HMGA2: variants seen among roughly 807,000 people sequenced by gnomAD.
HMGA2 encodes the protein high mobility group protein HMGI-C.
HMGA2 carries 8 observed loss-of-function variants against 19.1 expected under a neutral mutation model. The ratio of observed to expected loss-of-function variants is 0.42; its 90% CI spans 0.25 to 0.76. The LOEUF (loss-of-function observed/expected upper bound fraction) is 0.76, where lower values mean the gene tolerates loss of function less well. Among genes scored for constraint, HMGA2 ranks in the 30% least tolerant of loss-of-function variants. The probability of loss-of-function intolerance (pLI) is 0.28; values close to 1 mark genes in which losing one functional copy is unlikely to be tolerated. For missense variants in HMGA2, 109 were observed against 136.3 expected, an observed-to-expected ratio of 0.80 and a Z score of 1.00; for synonymous variants, 60 against 48.8, an observed-to-expected ratio of 1.23 and a Z score of -0.96.
chr12:65,956,109 A>G (rs1451287129), intron 4 of HMGA2: 3 of 152,198 alleles, frequency 2.0e-5, no homozygotes, highest in African/African-American at 7.2e-5. Flanking sequence ...CAGTGCAGTA[A>G]ATAGTTCATA....
At chr12:65,881,524 C>T in intron 3 of HMGA2, 2 of 579,350 alleles carry the variant, frequency 3.5e-6, no homozygotes, top group East Asian at 5.6e-5. Flanking sequence ...AAACAAAAAA[C>T]CACTCCAACA....
chr12:65,881,340 G>A (rs996052883), intron 3 of HMGA2: 1 of 196,890 alleles, frequency 5.1e-6, no homozygotes, highest in Non-Finnish European at 1.1e-5. Context: ...TCGGCTGTTT[G>A]TATCTCCAGA....
intron 3 of HMGA2, among the ~76,000 whole-genome samples, chr12:65,950,634 G>C (rs1319868433): frequency 6.6e-6 from 1 of 152,158 alleles, no homozygotes; most frequent in East Asian, 1.9e-4. Context: ...TTCTAAATTA[G>C]ACTGTGGTGA....
intron 3 of HMGA2, among the ~76,000 whole-genome samples, chr12:65,937,324 G>A (rs1050372968): frequency 3.9e-5 from 6 of 152,104 alleles, no homozygotes; most frequent in African/African-American, 1.4e-4. Context: ...CTCCCCTGCT[G>A]AACTGACAGG....
intron 3 of HMGA2, among the ~76,000 whole-genome samples, chr12:65,872,350 C>G (rs370505802): frequency 2.5e-4 from 38 of 152,148 alleles, no homozygotes; most frequent in African/African-American, 8.9e-4. Flanking sequence ...GTTCCTTGCA[C>G]CCGGGAGGCT....
chr12:65,842,377 C>G, intron 3 of HMGA2: 1 of 620,992 alleles, frequency 1.6e-6, no homozygotes, highest in South Asian at 1.9e-5. Flanking sequence ...TCACTGTACA[C>G]TTTCATTTTG....
At position 65,825,032 on chromosome 12, in the gene HMGA2, A is replaced by C. The variant is rs1870072248; in HGVS notation, c.-239A>C. 3 of 426,188 alleles carry C rather than the reference A, an allele frequency of 7.0e-6. No homozygotes were observed. Among genetic ancestry groups the C allele is most frequent in the Non-Finnish European group, 1.2e-5 (3 of 240,086 alleles). 26.4% of individuals were successfully genotyped at this position (426,188 alleles called of 1,614,324 possible). On this transcript the variant is annotated 5_prime_UTR_variant, in exon 1 of 5. Transcript: ENST00000403681. The surrounding 1 kb of genome is among the most constrained non-coding windows in gnomAD (Gnocchi z 4.4). ...ACCCACCGCCGCCGCCGCCACCGGC[A>C]GCGCCTCCTCCTCTCCTCCTCCTCC...
chr12:65,964,308 G>GC lies in HMGA2; in HGVS notation c.*1017dup. On this transcript the variant is annotated 3_prime_UTR_variant, in exon 5 of 5. Transcript: ENST00000403681. Reference sequence around the variant, plus strand: ...AAAAGCAAAAAAAAAAAAGGGGGGGGCAATCTCTCTCTGTGTCTTTCTCTC... The same window carrying GC: ...AAAAGCAAAAAAAAAAAAGGGGGGGGCCAATCTCTCTCTGTGTCTTTCTCTC... The GC allele has an allele frequency of 4.7e-6, 1 of 210,760 alleles. No individual in the cohort carries two copies. Among genetic ancestry groups the GC allele is most frequent in the Non-Finnish European group, 9.4e-6 (1 of 105,998 alleles). The allele number at this position is 210,760 out of a possible 1,614,324, so 13.1% of individuals were successfully genotyped here.
chr12:65,841,485 T>TC (rs1237453300), intron 3 of HMGA2, among the ~76,000 whole-genome samples: 1 of 152,228 alleles, frequency 6.6e-6, no homozygotes, highest in African/African-American at 2.4e-5. Context: ...TTGGGTAGAG[T>TC]ATGCAGCCAG....
At chr12:65,918,474 A>AG (rs1278459244) in intron 3 of HMGA2, among the ~76,000 whole-genome samples, 17 of 152,200 alleles carry the variant, frequency 1.1e-4, no homozygotes, top group African/African-American at 3.9e-4. Context: ...TTAATCTGTA[A>AG]GTTTTTTTAT....
chr12:65,934,803 C>T (rs1349275885), intron 3 of HMGA2: 1 of 152,172 alleles, frequency 6.6e-6, no homozygotes, highest in Non-Finnish European at 1.5e-5. Flanking sequence ...CCCTGAAGAC[C>T]CTGCATGAGT....
chr12:65,887,963 G>C (rs975949165), intron 3 of HMGA2, among the ~76,000 whole-genome samples: 10 of 151,084 alleles, frequency 6.6e-5, no homozygotes, highest in Non-Finnish European at 1.0e-4. Flanking sequence ...GCATTAATGT[G>C]TCTTTTAGAT....
intron 3 of HMGA2, among the ~76,000 whole-genome samples, chr12:65,902,290 A>T (rs1874405272): frequency 6.6e-6 from 1 of 152,186 alleles, no homozygotes. Flanking sequence ...ATAAACAAAC[A>T]ATATCGAACA....
intron 3 of HMGA2, among the ~76,000 whole-genome samples, chr12:65,898,427 T>C (rs1307516280): frequency 2.6e-5 from 4 of 152,174 alleles, no homozygotes; most frequent in Non-Finnish European, 4.4e-5. Flanking sequence ...CTTCCCAGCC[T>C]CAAGGAAATC....
At chr12:65,957,717 C>A (rs756568594) in intron 4 of HMGA2, 5 of 152,078 alleles carry the variant, frequency 3.3e-5, no homozygotes, top group Non-Finnish European at 7.4e-5. Context: ...AAAAAAATGG[C>A]CCTTTATCCC....
chr12:65,837,290 A>C (rs1362875121), intron 2 of HMGA2, among the ~76,000 whole-genome samples: 1 of 152,142 alleles, frequency 6.6e-6, no homozygotes, highest in African/African-American at 2.4e-5. Flanking sequence ...GTTGTGGCTT[A>C]TTTTATCTCT....
At chr12:65,912,845 T>C (rs1874903907) in intron 3 of HMGA2, among the ~76,000 whole-genome samples, 1 of 152,194 alleles carries the variant, frequency 6.6e-6, no homozygotes, top group Non-Finnish European at 1.5e-5. Flanking sequence ...TCATGCCAAA[T>C]GGGGCATTTT....
rs142936181 is a variant in HMGA2 at position 65,904,535 on chromosome 12, A to G, written c.250-46848A>G. Among the ~76,000 whole-genome samples the G allele has an allele frequency of 1.2e-4, 19 of 152,336 alleles. No individual in the cohort carries two copies. The East Asian group carries it at 3.7e-3, about 29-fold the overall frequency. ...TTTACAACTAAAGAATTACTGTTTT[A>G]TAAATGAATAAAACAAGGTGCAAGA... On this transcript the variant is annotated intron_variant, in intron 3 of 4. Transcript: ENST00000403681.
intron 3 of HMGA2, among the ~76,000 whole-genome samples, chr12:65,931,678 TCTC>T (rs1330367519): frequency 1.8e-4 from 27 of 152,026 alleles, no homozygotes. Flanking sequence ...TATGTCCCTT[TCTC>T]CTCTAAAACC....
Sources: allele counts gnomAD v4.1 joint callset (sites outside exome capture counted in the v4.1 genomes callset), GRCh38; gene constraint gnomAD v4.1.1; non-coding constraint Gnocchi (gnomAD v3.1); transcripts MANE v1.5; gene names NCBI Gene and HGNC (gene_info 2026-07-23, HGNC 2026-07-21).